AGAP1: variants seen among roughly 807,000 people sequenced by gnomAD.
The protein encoded by AGAP1 is arf-GAP with GTPase, ANK repeat and PH domain-containing protein 1.
In AGAP1, 29 loss-of-function variants were observed where a neutral mutation model predicts 105.3. The ratio of observed to expected loss-of-function variants is 0.28; its 90% CI spans 0.21 to 0.38. The LOEUF (loss-of-function observed/expected upper bound fraction) is 0.38, where lower values mean the gene tolerates loss of function less well. AGAP1 is among the 10% of genes least tolerant of loss of function. AGAP1 has a pLI of 1.00. For missense variants in AGAP1, 998 were observed against 1,165.1 expected (o/e 0.86, Z 2.09); for synonymous variants, 509 against 485.9 (o/e 1.05, Z -0.63).
In AGAP1 at chr2:235,750,919, A is replaced by T. The variant is rs922598743; in HGVS notation, c.673+431A>T. On this transcript the variant is annotated intron_variant, in intron 6 of 17. Coordinates refer to ENST00000304032, the MANE Select transcript of AGAP1 (RefSeq NM_001037131.3). This position sits in a 1 kb window ranked among gnomAD's most constrained non-coding sequence, Gnocchi z 5.3. Reference sequence around the variant, plus strand: ...GAAGAGAACTGAAAGGAGGAGAGAGAGAGTCAAGTTTGGACCTCCCCCCAC... The same window carrying T: ...GAAGAGAACTGAAAGGAGGAGAGAGTGAGTCAAGTTTGGACCTCCCCCCAC... Among the ~76,000 whole-genome samples the T allele has an allele frequency of 7.9e-5, 12 of 152,174 alleles. No homozygotes were observed. The highest frequency in any genetic ancestry group is 6.5e-4 in the Admixed American group (10 of 15,286).
At chr2:236,057,578 G>A (rs374598358) in intron 16 of AGAP1, among the ~76,000 whole-genome samples, 29 of 151,154 alleles carry the variant, frequency 1.9e-4, no homozygotes, top group African/African-American at 5.9e-4. Flanking sequence ...CGTGTTTCAC[G>A]TAACCACATC....
intron 15 of AGAP1, 77 bp from the exon 16 acceptor site, chr2:236,048,982 G>T (rs1315954189): frequency 8.8e-6 from 12 of 1,369,388 alleles, no homozygotes; most frequent in Non-Finnish European, 1.2e-5. Context: ...CTGATTCGTC[G>T]CCTTGTGTTT....
rs1159501544 is a variant in AGAP1 at position 235,866,131 on chromosome 2, C to A, written c.1051-17214C>A. Reference sequence around the variant, plus strand: ...ACTTGATGCTGTTTTAGTTAGGCAGCAGCATGCGATGCCCTGTGCGCATCT... The same window carrying A: ...ACTTGATGCTGTTTTAGTTAGGCAGAAGCATGCGATGCCCTGTGCGCATCT... On this transcript the variant is annotated intron_variant, in intron 9 of 17. Coordinates refer to ENST00000304032, the MANE Select transcript of AGAP1 (RefSeq NM_001037131.3). The surrounding 1 kb of genome is among the most constrained non-coding windows in gnomAD (Gnocchi z 6.1). 6.6e-6 allele frequency among the ~76,000 whole-genome samples: 1 copy of A among 152,180 alleles called. No individual in the cohort carries two copies. The highest frequency in any genetic ancestry group is 1.5e-5 in the Non-Finnish European group (1 of 68,042).
intron 1 of AGAP1, among the ~76,000 whole-genome samples, chr2:235,684,585 G>A (rs1019022016): frequency 6.6e-6 from 1 of 152,176 alleles, no homozygotes; most frequent in East Asian, 1.9e-4. Flanking sequence ...CAGGTGCAGA[G>A]CAGTGTCTTA....
rs1216516732 is a variant in AGAP1, at chr2:235,936,297, CAT to C, written c.1483+5375_1483+5376del. Among the ~76,000 whole-genome samples the C allele has an allele frequency of 2.6e-5, 4 of 152,232 alleles. No homozygotes were observed. The highest frequency in any genetic ancestry group is 1.3e-4 in the Admixed American group (2 of 15,300). ...TCTTCCACATGGAAGGAGTGTATCA[CAT>C]GTGTGTGTGTACGGGTGTATGCTCT... On this transcript the variant is annotated intron_variant, in intron 12 of 17. Transcript: ENST00000304032. The surrounding 1 kb of genome is among the most constrained non-coding windows in gnomAD (Gnocchi z 4.7).
chr2:235,873,682 C>T (rs1048312378), intron 9 of AGAP1, among the ~76,000 whole-genome samples: 3 of 152,184 alleles, frequency 2.0e-5, no homozygotes, highest in Non-Finnish European at 2.9e-5. Flanking sequence ...AGGCCAGTGC[C>T]GCTGTCCAGT....
intron 9 of AGAP1, among the ~76,000 whole-genome samples, chr2:235,827,990 A>G (rs1011717998): frequency 7.2e-5 from 11 of 152,216 alleles, no homozygotes; most frequent in Non-Finnish European, 1.0e-4. Context: ...AGGCTTGCCC[A>G]GCCACTGTGG....
chr2:235,792,021 C>T lies in AGAP1; in HGVS notation c.674-5738C>T, dbSNP rs1307889540. On this transcript the variant is annotated intron_variant, in intron 6 of 17. Transcript: ENST00000304032. This position sits in a 1 kb window ranked among gnomAD's most constrained non-coding sequence, Gnocchi z 5.3. ...ATTTCATCAGTGTGTCTATGGTGAGCATTTAAAATACGGTTTTATTGGAGG... is the reference window on the plus strand; with the variant it reads ...ATTTCATCAGTGTGTCTATGGTGAGTATTTAAAATACGGTTTTATTGGAGG... 6.6e-6 allele frequency among the ~76,000 whole-genome samples: 1 copy of T among 152,164 alleles called. No individual in the cohort carries two copies. Among genetic ancestry groups the T allele is most frequent in the Non-Finnish European group, 1.5e-5 (1 of 68,026 alleles).
rs758312412 is a variant in AGAP1, at chr2:235,769,144, G to A, written c.673+18656G>A. On this transcript the variant is annotated intron_variant, in intron 6 of 17. Coordinates refer to ENST00000304032, the MANE Select transcript of AGAP1 (RefSeq NM_001037131.3). The surrounding 1 kb of genome is among the most constrained non-coding windows in gnomAD (Gnocchi z 4.4). ...GTATTTTCCCTCTTCTGGGTTCTTA[G>A]TGCCCGTCCCCCGTAGCTCCGTCAC... 1.3e-5 allele frequency among the ~76,000 whole-genome samples: 2 copies of A among 152,038 alleles called. No individual in the cohort carries two copies. Among genetic ancestry groups the A allele is most frequent in the African/African-American group, 2.4e-5 (1 of 41,386 alleles).
intron 9 of AGAP1, among the ~76,000 whole-genome samples, chr2:235,834,600 G>A (rs563158792): frequency 6.6e-6 from 1 of 152,250 alleles, no homozygotes; most frequent in African/African-American, 2.4e-5. Flanking sequence ...TGGAATGTCA[G>A]TTTTTTGGGT....
At position 235,874,534 on chromosome 2, in the gene AGAP1, G is replaced by A. The variant is rs376355278; in HGVS notation, c.1051-8811G>A. Among the ~76,000 whole-genome samples the A allele has an allele frequency of 3.6e-4, 55 of 152,350 alleles. No individual in the cohort carries two copies. The highest frequency in any genetic ancestry group is 1.3e-3 in the African/African-American group (54 of 41,582). ...TTCACCTAGGCAGAGCAACCGAAGT[G>A]CACTTTGCAGGGAGCTAAGAGGCTC... On this transcript the variant is annotated intron_variant, in intron 9 of 17. Transcript: ENST00000304032. The surrounding 1 kb of genome is among the most constrained non-coding windows in gnomAD (Gnocchi z 4.5).
chr2:235,903,428 G>A (rs1034112059), intron 10 of AGAP1, among the ~76,000 whole-genome samples: 2 of 152,186 alleles, frequency 1.3e-5, no homozygotes, highest in Non-Finnish European at 2.9e-5. Context: ...ATGCATTTCA[G>A]TTTAGCTTTA....
chr2:235,536,445 C>A (rs1264875738), intron 1 of AGAP1, among the ~76,000 whole-genome samples: 1 of 80,678 alleles, frequency 1.2e-5, no homozygotes, highest in East Asian at 4.2e-4. Context: ...ACAGCAGGAC[C>A]CTGGGGTTTG....
In AGAP1 at chr2:235,620,025, C is replaced by G. The variant is rs563380471; in HGVS notation, c.164-89154C>G. ...ACTGTCTCTGTAGCTGCCTGTGCCT[C>G]CAGGTGTGGTGCTGCCTTCCTGGGC... On this transcript the variant is annotated intron_variant, in intron 1 of 17. Transcript: ENST00000304032. The surrounding 1 kb of genome is among the most constrained non-coding windows in gnomAD (Gnocchi z 4.5). 4.4e-4 allele frequency among the ~76,000 whole-genome samples: 67 copies of G among 152,270 alleles called. No individual in the cohort carries two copies. The highest frequency in any genetic ancestry group is 1.5e-3 in the African/African-American group (63 of 41,564).
At chr2:235,890,866 A>G (rs948972590) in intron 10 of AGAP1, among the ~76,000 whole-genome samples, 1 of 149,552 alleles carries the variant, frequency 6.7e-6, no homozygotes, top group African/African-American at 2.4e-5. Flanking sequence ...ACTCAAGCTA[A>G]TGGAGTTAGT....
chr2:235,913,343 CT>C (rs766565185), intron 11 of AGAP1, among the ~76,000 whole-genome samples: 4 of 152,098 alleles, frequency 2.6e-5, no homozygotes, highest in Non-Finnish European at 4.4e-5. Context: ...TATTTAGCCC[CT>C]AATCCACCTT....
In AGAP1 at chr2:236,051,763, A is replaced by G. The variant is rs375605606; in HGVS notation, c.2114+2482A>G. ...GTTCTGTCTGTCCCACCTGTTCCCA[A>G]GAGGACTAAAGGCAGCCAGCAAGGT... On this transcript the variant is annotated intron_variant, in intron 16 of 17. Transcript: ENST00000304032. The surrounding 1 kb of genome is among the most constrained non-coding windows in gnomAD (Gnocchi z 5.9). Among the ~76,000 whole-genome samples, 13 of 152,290 alleles carry G rather than the reference A, an allele frequency of 8.5e-5. 1 individual carries two copies. Among genetic ancestry groups the G allele is most frequent in the African/African-American group, 2.9e-4 (12 of 41,574 alleles).
At chr2:235,496,894 G>A (rs374256101) in intron 1 of AGAP1, among the ~76,000 whole-genome samples, 4 of 152,092 alleles carry the variant, frequency 2.6e-5, no homozygotes, top group East Asian at 3.9e-4. Context: ...GAATCATTGG[G>A]TGAATCCTGT....
In AGAP1 at chr2:236,120,268, T is replaced by C; in HGVS notation, c.2191T>C (p.Ser731Pro). 1.2e-6 allele frequency: 2 copies of C among 1,613,252 alleles called. No individual in the cohort carries two copies. Among genetic ancestry groups the C allele is most frequent in the Non-Finnish European group, 1.7e-6 (2 of 1,179,752 alleles). ...FLAPLPCTEL[S>P]LGQHLLRATA... is the part of the protein sequence containing the mutation. ...GGCCCCGCTGCCCTGCACGGAGCTG[T>C]CCCTGGGCCAGCACCTGCTGCGGGC... The change falls in exon 17 of 18, where the codon TCC (serine) becomes CCC (proline). Residue 731 changes from serine to proline, a missense_variant. Around this residue, in one of 3 missense-constraint regions of AGAP1, gnomAD observed 235 missense variants for 270.7 expected, o/e 0.87. Transcript: ENST00000304032. The surrounding 1 kb of genome is among the most constrained non-coding windows in gnomAD (Gnocchi z 6.0).
Sources: gnomAD v4.1 joint callset for allele counts (sites outside exome capture counted in the v4.1 genomes callset) on GRCh38, gnomAD v4.1.1 for gene constraint, gnomAD v4.1.1 regional missense constraint, Gnocchi (gnomAD v3.1) non-coding constraint, MANE v1.5 for transcripts, NCBI Gene and HGNC (gene_info 2026-07-23, HGNC 2026-07-21) for gene names.